Variants in RPL7 observed in about 807,000 individuals in gnomAD.
RPL7 encodes the protein ribosomal protein L7, also known as large ribosomal subunit protein uL30.
For missense variants in RPL7, 205 were observed against 301.9 expected (o/e 0.68, Z 2.38); for synonymous variants, 100 against 102.2 (o/e 0.98, Z 0.13).
At chr8:73,292,483 C>T in intron 2 of RPL7, 78 bp from the exon 3 acceptor site, 1 of 1,335,498 alleles carries the variant, frequency 7.5e-7, no homozygotes, top group Non-Finnish European at 1.0e-6. Flanking sequence ...AAGAAAACTA[C>T]AACATGTTTC....
intron 3 of RPL7, 41 bp from the exon 4 acceptor site, chr8:73,291,951 G>A (rs765340293): frequency 2.5e-6 from 4 of 1,599,396 alleles, no homozygotes; most frequent in African/African-American, 2.7e-5. Context: ...GCCTTTCATC[G>A]AAATTTTTAT....
At chr8:73,292,599 AG>A in intron 2 of RPL7, 89 bp downstream of exon 2, 2 of 1,109,692 alleles carry the variant, frequency 1.8e-6, no homozygotes, top group Non-Finnish European at 1.3e-6. Context: ...CAGTACAGTT[AG>A]GAAGTAAATC....
At chr8:73,292,202 TC>T in intron 3 of RPL7, 36 bp downstream of exon 3, 1 of 1,546,480 alleles carries the variant, frequency 6.5e-7, no homozygotes, top group Non-Finnish European at 8.8e-7. Context: ...TTTTTTTTTT[TC>T]CCATTCAAAC....
intron 1 of RPL7, 102 bp downstream of exon 1, chr8:73,293,497 G>C (rs887696980): frequency 7.0e-7 from 1 of 1,421,216 alleles, no homozygotes; most frequent in South Asian, 1.2e-5. Flanking sequence ...GCAGGGAGGT[G>C]GGCAAAGGTG....
At chr8:73,290,765 C>T (rs770509726) in intron 6 of RPL7, 60 bp from the exon 7 acceptor site, 2 of 352,118 alleles carry the variant, frequency 5.7e-6, no homozygotes, top group Non-Finnish European at 1.0e-5. Flanking sequence ...TTAACATAAA[C>T]TAGGCAGTTA....
intron 1 of RPL7, chr8:73,293,091 AAC>A: frequency 3.2e-6 from 1 of 314,836 alleles, no homozygotes; most frequent in Non-Finnish European, 5.8e-6. Context: ...AAACAAAAAA[AAC>A]ACACCAACAC....
intron 5 of RPL7, 75 bp downstream of exon 5, chr8:73,291,477 A>T: frequency 2.7e-6 from 3 of 1,108,200 alleles, no homozygotes. Context: ...CACAATAGTG[A>T]GAAATGTACG....
At chr8:73,291,517 G>T (rs1353940988) in intron 5 of RPL7, 35 bp downstream of exon 5, 4 of 1,465,060 alleles carry the variant, frequency 2.7e-6, no homozygotes, top group South Asian at 1.2e-5. Flanking sequence ...TTATCGCATG[G>T]TCTAATACCA....
chr8:73,292,142 G>C (rs1395285450), intron 3 of RPL7, 97 bp downstream of exon 3: 2 of 1,259,838 alleles, frequency 1.6e-6, no homozygotes, highest in Non-Finnish European at 2.2e-6. Context: ...CTAAAATATT[G>C]TTACTCCGGT....
rs1250568548 is a variant in RPL7 at position 73,293,625 on chromosome 8, A to C, written c.-13T>G. On this transcript the variant is annotated 5_prime_UTR_variant, in exon 1 of 7. Transcript: ENST00000352983. The stretch of plus-strand genomic sequence containing the variant: ...CTACACCCTCCATGGTTCCAGCCGG[A>C]AAAAGAGGAAGTTGGCGCATGCGTA... The C allele has an allele frequency of 6.2e-7, 1 of 1,613,528 alleles. No homozygotes were observed. The highest frequency in any genetic ancestry group is 8.5e-7 in the Non-Finnish European group (1 of 1,179,776).
chr8:73,293,781 A>T (rs938505423), upstream of RPL7: 9 of 729,778 alleles, frequency 1.2e-5, no homozygotes, highest in Non-Finnish European at 1.8e-5. Context: ...CTCTTTCAAC[A>T]AACTTTCGGG....
rs973546174 is a variant in RPL7 at position 73,291,590 on chromosome 8, A to G, written c.500T>C (p.Ile167Thr). Residue 167 changes from isoleucine to threonine, a missense_variant, in exon 5 of 7, where the codon ATT becomes ACT. Coordinates refer to ENST00000352983, the MANE Select transcript of RPL7 (RefSeq NM_000971.4). ...RGYGKINKKR[I>T]ALTDNALIAR... is the part of the protein sequence containing the mutation. The stretch of plus-strand genomic sequence containing the variant: ...AATCAAAGCGTTATCTGTCAAAGCA[A>G]TTCGCTTCTTATTGATTTTGCCATA... The G allele has an allele frequency of 3.1e-6, 5 of 1,598,648 alleles. No individual in the cohort carries two copies. Among genetic ancestry groups the G allele is most frequent in the Non-Finnish European group, 4.3e-6 (5 of 1,167,736 alleles).
chr8:73,290,971 G>A (rs1333674978), intron 6 of RPL7, 72 bp downstream of exon 6: 4 of 1,188,098 alleles, frequency 3.4e-6, no homozygotes, highest in South Asian at 2.6e-5. Context: ...TATTTAATGG[G>A]AAAAGTATTC....
intron 1 of RPL7, chr8:73,293,175 A>AAAAAAT (rs1279027500): frequency 8.7e-6 from 2 of 229,420 alleles, no homozygotes; most frequent in Non-Finnish European, 1.7e-5. Context: ...CGCAAAAATT[A>AAAAAAT]AAAAATAAAA....
rs1158585951 is a variant in RPL7, at chr8:73,291,409, C to T, written c.538+143G>A. The T allele has an allele frequency of 3.4e-5, 29 of 845,264 alleles. No individual in the cohort carries two copies. In the East Asian group the frequency reaches 7.8e-4, roughly 23 times the overall value. 52.4% of individuals were successfully genotyped at this position (845,264 alleles called of 1,614,324 possible). A position where few individuals can be genotyped will look rare whatever the true frequency, so the allele number is the denominator to read the frequency against. The stretch of plus-strand genomic sequence containing the variant: ...AAAGATAAGGTTCAAGCTAATGAAA[C>T]CATGTCTTACGTTTTCTTTTAAGCT... On this transcript the variant is annotated intron_variant, in intron 5 of 6. Transcript: ENST00000352983.
intron 3 of RPL7, 94 bp downstream of exon 3, chr8:73,292,145 A>C (rs1305686994): frequency 7.9e-7 from 1 of 1,273,290 alleles, no homozygotes; most frequent in South Asian, 1.4e-5. Flanking sequence ...AAATATTGTT[A>C]CTCCGGTGTT....
intron 5 of RPL7, 42 bp downstream of exon 5, chr8:73,291,510 T>C (rs1032061057): frequency 7.2e-7 from 1 of 1,385,678 alleles, no homozygotes; most frequent in Non-Finnish European, 1.0e-6. Context: ...TAAGAAATTA[T>C]CGCATGGTCT....
chr8:73,293,705 A>G, upstream of RPL7: 1 of 1,514,242 alleles, frequency 6.6e-7, no homozygotes, highest in Non-Finnish European at 9.0e-7. Flanking sequence ...GTGTCTTAGA[A>G]TAAGCCGGAA....
In RPL7 at chr8:73,291,146, A is replaced by G. The variant is rs1191007537; in HGVS notation, c.645T>C (p.Ser215=). 1 of 1,607,386 alleles carries G rather than the reference A, an allele frequency of 6.2e-7. No homozygotes were observed. Among genetic ancestry groups the G allele is most frequent in the South Asian group, 1.1e-5 (1 of 90,918 alleles). The change falls in exon 6 of 7, where the codon TCT becomes TCC. Residue 215 remains serine, a synonymous_variant. Coordinates refer to ENST00000352983, the MANE Select transcript of RPL7 (RefSeq NM_000971.4). ...NNFLWPFKLS[S]PRGGMKKKTT... ...TCTTTTTCTTCATTCCACCTCGTGG[A>G]GAAGACAATTTGAAGGGCCACAGGA...
Sources: allele counts gnomAD v4.1 joint callset, GRCh38; gene constraint gnomAD v4.1.1; transcripts MANE v1.5; gene names NCBI Gene and HGNC (gene_info 2026-07-23, HGNC 2026-07-21).